KIAA1217: variants seen among roughly 807,000 people sequenced by gnomAD.
The protein encoded by KIAA1217 is KIAA1217.
KIAA1217 carries 88 observed loss-of-function variants against 163.9 expected under a neutral mutation model. That is an observed-to-expected ratio of 0.54 (90% confidence interval 0.45 to 0.64). The LOEUF is 0.64. KIAA1217 is among the 30% of genes least tolerant of loss of function. KIAA1217 has a pLI of 0.00. For missense variants in KIAA1217, 2,372 were observed against 2,475.0 expected (o/e 0.96, Z 0.88); for synonymous variants, 903 against 923.1 (o/e 0.98, Z 0.39).
intron 2 of KIAA1217, among the ~76,000 whole-genome samples, chr10:24,270,676 G>T (rs565290574): frequency 6.6e-6 from 1 of 152,276 alleles, no homozygotes; most frequent in African/African-American, 2.4e-5. Context: ...AAGTAACTGA[G>T]ATTACGGGCG....
At chr10:23,718,186 G>A (rs1049288908) in intron 1 of KIAA1217, among the ~76,000 whole-genome samples, 2 of 152,120 alleles carry the variant, frequency 1.3e-5, no homozygotes, top group Admixed American at 6.6e-5. Context: ...CCTAATATGT[G>A]AATTTCCTCT....
intron 1 of KIAA1217, among the ~76,000 whole-genome samples, chr10:23,766,594 C>CTTTTTTTTTTTTTTT (rs569633830): frequency 7.8e-6 from 1 of 127,732 alleles, no homozygotes. Flanking sequence ...TTTCTTTTTT[C>CTTTTTTTTTTTTTTT]TTTTTTTTTT....
rs78825131 is a variant in KIAA1217 at position 23,825,714 on chromosome 10, G to A, written c.-321+130480G>A. ...GATTGCTAAGCACTTAGGAAATAGTGGATAAGAGAAATATTCAATTCGCCA... is the reference window on the plus strand; with the variant it reads ...GATTGCTAAGCACTTAGGAAATAGTAGATAAGAGAAATATTCAATTCGCCA... On this transcript the variant is annotated intron_variant, in intron 1 of 18. Coordinates refer to the KIAA1217 transcript ENST00000376462. Among the ~76,000 whole-genome samples the A allele has an allele frequency of 7.9e-5, 12 of 152,240 alleles. No homozygotes were observed. The East Asian group carries it at 2.3e-3, about 29-fold the overall frequency.
chr10:24,158,579 G>A, intron 2 of KIAA1217: 1 of 505,334 alleles, frequency 2.0e-6, no homozygotes, highest in Non-Finnish European at 4.0e-6. Flanking sequence ...GTAATGGGAA[G>A]CACTGACAGA....
intron 1 of KIAA1217, among the ~76,000 whole-genome samples, chr10:23,766,169 G>C (rs1834507325): frequency 6.6e-6 from 1 of 152,216 alleles, no homozygotes; most frequent in South Asian, 2.1e-4. Flanking sequence ...AGAAACCTCA[G>C]TAGTTCCCCC....
At chr10:24,393,943 G>A (rs1257009258) in intron 3 of KIAA1217, among the ~76,000 whole-genome samples, 1 of 152,148 alleles carries the variant, frequency 6.6e-6, no homozygotes, top group African/African-American at 2.4e-5. Context: ...CCTTTGAGGG[G>A]AATGTCAGGC....
intron 2 of KIAA1217, among the ~76,000 whole-genome samples, chr10:24,317,522 G>C (rs1410936255): frequency 6.6e-6 from 1 of 152,152 alleles, no homozygotes; most frequent in African/African-American, 2.4e-5. Context: ...GGGTGATGAG[G>C]AAAATACATT....
intron 3 of KIAA1217, among the ~76,000 whole-genome samples, chr10:24,407,732 G>A (rs1482811531): frequency 1.3e-5 from 2 of 152,160 alleles, no homozygotes; most frequent in African/African-American, 4.8e-5. Flanking sequence ...TTTAGAGTTA[G>A]TGTTTTCGAA....
At chr10:23,830,776 T>C (rs774238598) in intron 1 of KIAA1217, among the ~76,000 whole-genome samples, 1 of 149,564 alleles carries the variant, frequency 6.7e-6, no homozygotes, top group Admixed American at 6.7e-5. Flanking sequence ...TAATAGAAGA[T>C]ACATAAAAGA....
intron 1 of KIAA1217, among the ~76,000 whole-genome samples, chr10:23,894,431 A>G (rs1042920704): frequency 4.9e-4 from 72 of 147,710 alleles, no homozygotes; most frequent in African/African-American, 1.7e-3. Context: ...TCCAACTTAC[A>G]AGGGATGTGA....
At chr10:24,324,346 C>T (rs757929279) in intron 2 of KIAA1217, among the ~76,000 whole-genome samples, 4 of 152,002 alleles carry the variant, frequency 2.6e-5, no homozygotes, top group Admixed American at 6.6e-5. Context: ...GTGGGTGGAT[C>T]GCTTGAGGTC....
intron 1 of KIAA1217, among the ~76,000 whole-genome samples, chr10:23,965,572 A>G (rs1205155019): frequency 6.6e-6 from 1 of 152,264 alleles, no homozygotes; most frequent in Non-Finnish European, 1.5e-5. Context: ...GAATTCTGCT[A>G]CATTTGAAAA....
At chr10:24,180,853 C>G (rs1231020919) in intron 2 of KIAA1217, among the ~76,000 whole-genome samples, 3 of 152,186 alleles carry the variant, frequency 2.0e-5, no homozygotes, top group Non-Finnish European at 4.4e-5. Context: ...TTGCTCATGT[C>G]TGTAATCCTG....
intron 6 of KIAA1217, among the ~76,000 whole-genome samples, chr10:24,492,183 G>A (rs1358367229): frequency 6.6e-6 from 1 of 152,174 alleles, no homozygotes; most frequent in African/African-American, 2.4e-5. Context: ...CCCCCATGTG[G>A]CAGGAAGAGT....
intron 1 of KIAA1217, among the ~76,000 whole-genome samples, chr10:23,972,966 G>A (rs1845383137): frequency 6.6e-6 from 1 of 152,104 alleles, no homozygotes; most frequent in Non-Finnish European, 1.5e-5. Context: ...GGGGTTTGGG[G>A]GTGAGGGGAG....
intron 2 of KIAA1217, among the ~76,000 whole-genome samples, chr10:24,292,887 G>C (rs932638756): frequency 3.3e-5 from 5 of 152,020 alleles, no homozygotes; most frequent in Non-Finnish European, 7.4e-5. Context: ...AAAGAAGAAA[G>C]GTGGCCTGAA....
chr10:23,746,107 C>T (rs1473780718), intron 1 of KIAA1217, among the ~76,000 whole-genome samples: 3 of 152,142 alleles, frequency 2.0e-5, no homozygotes, highest in Non-Finnish European at 4.4e-5. Context: ...AGGAGATGTT[C>T]GGGTCATGGG....
At chr10:24,448,432 G>A (rs952992491) in intron 5 of KIAA1217, among the ~76,000 whole-genome samples, 3 of 152,138 alleles carry the variant, frequency 2.0e-5, no homozygotes, top group African/African-American at 7.2e-5. Context: ...CTGTCACCCA[G>A]TTTGGAATGC....
chr10:23,714,912 A>C (rs1264125850), intron 1 of KIAA1217, among the ~76,000 whole-genome samples: 1 of 152,178 alleles, frequency 6.6e-6, no homozygotes, highest in African/African-American at 2.4e-5. Context: ...AAAAGGGTAT[A>C]TGTGCTTTAG....
Sources: allele counts gnomAD v4.1 joint callset (sites outside exome capture counted in the v4.1 genomes callset), GRCh38; gene constraint gnomAD v4.1.1; transcripts MANE v1.5; gene names NCBI Gene and HGNC (gene_info 2026-07-23, HGNC 2026-07-21).